Variants in PTCHD4 observed in about 807,000 individuals in gnomAD.
PTCHD4 encodes the protein patched domain-containing protein 4.
A neutral mutation model predicts 58.1 loss-of-function variants in PTCHD4; 33 were observed. The ratio of observed to expected loss-of-function variants is 0.57; its 90% CI spans 0.43 to 0.76. PTCHD4 has a LOEUF of 0.76. PTCHD4 is among the 30% of genes least tolerant of loss of function. The pLI is 0.00. For missense variants in PTCHD4, 1,058 were observed against 1,027.1 expected, an observed-to-expected ratio of 1.03 and a Z score of -0.41; for synonymous variants, 478 against 409.6, an observed-to-expected ratio of 1.17 and a Z score of -2.02.
intron 1 of PTCHD4, among the ~76,000 whole-genome samples, chr6:48,110,531 G>T (rs1248998131): frequency 2.0e-5 from 3 of 151,598 alleles, no homozygotes; most frequent in African/African-American, 7.3e-5. Context: ...AGTTATATAG[G>T]ATGAATAAGT....
rs886619773 is a variant in PTCHD4 at position 47,858,512 on chromosome 6, A to T, written c.*19791T>A. 1.3e-5 allele frequency among the ~76,000 whole-genome samples: 2 copies of T among 152,080 alleles called. No individual in the cohort carries two copies. Among genetic ancestry groups the T allele is most frequent in the African/African-American group, 4.8e-5 (2 of 41,446 alleles). On this transcript the variant is annotated 3_prime_UTR_variant, in exon 5 of 5. Coordinates refer to ENST00000339488, the MANE Select transcript of PTCHD4 (RefSeq NM_001384253.1). ...ATGATACTTTCAGAAGACTTTGCAC[A>T]TGCTGAAACCTATGTGGTATAATTA...
chr6:47,906,748 ATT>A (rs1347315593), intron 4 of PTCHD4, among the ~76,000 whole-genome samples: 4 of 152,128 alleles, frequency 2.6e-5, no homozygotes, highest in Admixed American at 2.6e-4. Context: ...CTGCGGTGAC[ATT>A]TCTGTATTTT....
At chr6:47,938,131 C>T (rs544879248) in intron 4 of PTCHD4, among the ~76,000 whole-genome samples, 13 of 151,834 alleles carry the variant, frequency 8.6e-5, no homozygotes, top group South Asian at 4.2e-4. Context: ...CCAGCCTGGG[C>T]GACAGAGAGA....
intron 1 of PTCHD4, among the ~76,000 whole-genome samples, chr6:48,095,462 T>C (rs573265436): frequency 2.0e-5 from 3 of 152,162 alleles, no homozygotes; most frequent in African/African-American, 7.2e-5. Flanking sequence ...GGCGGGCGGA[T>C]CTTGAGGTCA....
At chr6:47,902,618 C>A (rs962466506) in intron 4 of PTCHD4, among the ~76,000 whole-genome samples, 3 of 152,116 alleles carry the variant, frequency 2.0e-5, no homozygotes, top group African/African-American at 7.2e-5. Context: ...TTTTCACTTC[C>A]ATTTCAAACA....
intron 3 of PTCHD4, among the ~76,000 whole-genome samples, chr6:48,027,507 A>C (rs1390690510): frequency 6.6e-6 from 1 of 152,148 alleles, no homozygotes; most frequent in African/African-American, 2.4e-5. Flanking sequence ...TAATATGTCT[A>C]CCTTAAAATT....
intron 1 of PTCHD4, among the ~76,000 whole-genome samples, chr6:48,090,277 T>A (rs1355380028): frequency 6.6e-6 from 1 of 152,200 alleles, no homozygotes; most frequent in Non-Finnish European, 1.5e-5. Flanking sequence ...GTGTCAATAT[T>A]TTTAGATTAA....
chr6:47,885,638 C>T (rs1053609390), intron 4 of PTCHD4, among the ~76,000 whole-genome samples: 11 of 152,222 alleles, frequency 7.2e-5, no homozygotes, highest in South Asian at 2.1e-4. Flanking sequence ...AATCATTCTC[C>T]AACAAATAAA....
At chr6:48,006,910 A>AT (rs1762457246) in intron 4 of PTCHD4, among the ~76,000 whole-genome samples, 1 of 152,210 alleles carries the variant, frequency 6.6e-6, no homozygotes, top group African/African-American at 2.4e-5. Flanking sequence ...ACATCATTAT[A>AT]TTCCCCATTT....
In PTCHD4 at chr6:48,051,245, C is replaced by T. The variant is rs552027609; in HGVS notation, c.417+16985G>A. Among the ~76,000 whole-genome samples, 9 of 151,978 alleles carry T rather than the reference C, an allele frequency of 5.9e-5. No homozygotes were observed. In the East Asian group the frequency reaches 1.5e-3, roughly 26 times the overall value. The stretch of plus-strand genomic sequence containing the variant: ...AATGCTGATAAATCACCCAAATAGG[C>T]ATGAAGTCAGAATGTTTATTAAATC... On this transcript the variant is annotated intron_variant, in intron 3 of 4. Coordinates refer to ENST00000339488, the MANE Select transcript of PTCHD4 (RefSeq NM_001384253.1).
chr6:47,878,167 T>G lies in PTCHD4; in HGVS notation c.*136A>C, dbSNP rs1307865888. The G allele has an allele frequency of 1.5e-6, 1 of 656,172 alleles. No homozygotes were observed. Among genetic ancestry groups the G allele is most frequent in the Non-Finnish European group, 2.5e-6 (1 of 398,856 alleles). The allele number at this position is 656,172 out of a possible 1,614,324, so 40.6% of individuals were successfully genotyped here. A position where few individuals can be genotyped will look rare whatever the true frequency, so the allele number is the denominator to read the frequency against. ...CCCCCAAGAAGCAGGCACCTTGAAG[T>G]GTCATGAATAATGCACTCTTGATCT... On this transcript the variant is annotated 3_prime_UTR_variant, in exon 5 of 5. Coordinates refer to ENST00000339488, the MANE Select transcript of PTCHD4 (RefSeq NM_001384253.1).
At chr6:47,887,859 G>A (rs1156432889) in intron 4 of PTCHD4, among the ~76,000 whole-genome samples, 1 of 152,102 alleles carries the variant, frequency 6.6e-6, no homozygotes, top group Non-Finnish European at 1.5e-5. Flanking sequence ...TCTACCTCTT[G>A]GTTCTTATAT....
At chr6:47,955,817 G>A (rs949776515) in intron 4 of PTCHD4, among the ~76,000 whole-genome samples, 2 of 152,164 alleles carry the variant, frequency 1.3e-5, no homozygotes, top group African/African-American at 4.8e-5. Flanking sequence ...GAGAGTGTGT[G>A]CATTTAGGAG....
At chr6:47,941,928 T>C (rs1252276320) in intron 4 of PTCHD4, among the ~76,000 whole-genome samples, 1 of 152,232 alleles carries the variant, frequency 6.6e-6, no homozygotes. Context: ...CTGATTCCAA[T>C]GCTTCAAGCA....
At chr6:47,940,372 C>G (rs1455953008) in intron 4 of PTCHD4, among the ~76,000 whole-genome samples, 1 of 151,998 alleles carries the variant, frequency 6.6e-6, no homozygotes, top group Non-Finnish European at 1.5e-5. Flanking sequence ...TTCCATGTCA[C>G]CCATATATTT....
rs1055436974 is a variant in PTCHD4 at position 47,975,071 on chromosome 6, G to A, written c.898+33563C>T. Among the ~76,000 whole-genome samples, 5 of 152,274 alleles carry A rather than the reference G, an allele frequency of 3.3e-5. No individual in the cohort carries two copies. The South Asian group carries it at 1.0e-3, about 32-fold the overall frequency. Reference sequence around the variant, plus strand: ...GAAGCCTTCTTCACCTCCAAGGCTGGGTTGGGCTTCCTCACTGGAACTCCT... The same window carrying A: ...GAAGCCTTCTTCACCTCCAAGGCTGAGTTGGGCTTCCTCACTGGAACTCCT... On this transcript the variant is annotated intron_variant, in intron 4 of 4. Transcript: ENST00000339488.
chr6:47,916,324 A>G (rs143082772), intron 4 of PTCHD4, among the ~76,000 whole-genome samples: 2 of 152,178 alleles, frequency 1.3e-5, no homozygotes, highest in East Asian at 3.9e-4. Context: ...AAATGAGGTC[A>G]TAGCCCACCC....
intron 3 of PTCHD4, among the ~76,000 whole-genome samples, chr6:48,027,116 T>C (rs911271612): frequency 2.0e-5 from 3 of 152,270 alleles, no homozygotes. Flanking sequence ...TGTGTATGTA[T>C]ATATGATATG....
chr6:48,018,571 A>T (rs1170358264), intron 3 of PTCHD4, among the ~76,000 whole-genome samples: 1 of 152,136 alleles, frequency 6.6e-6, no homozygotes, highest in Non-Finnish European at 1.5e-5. Flanking sequence ...AGGATAAGGA[A>T]TTTGCCCTAA....
Sources: gnomAD v4.1 joint callset for allele counts (sites outside exome capture counted in the v4.1 genomes callset) on GRCh38, gnomAD v4.1.1 for gene constraint, MANE v1.5 for transcripts, NCBI Gene and HGNC (gene_info 2026-07-23, HGNC 2026-07-21) for gene names.